Variants in PLS1 observed in about 807,000 individuals in gnomAD.
PLS1 encodes plastin-1.
In PLS1, 32 loss-of-function variants were observed where a neutral mutation model predicts 73.7. The ratio of observed to expected loss-of-function variants is 0.43; its 90% CI spans 0.33 to 0.58. The LOEUF (loss-of-function observed/expected upper bound fraction) is 0.58. Among genes scored for constraint, PLS1 ranks in the 20% least tolerant of loss-of-function variants. The pLI is 0.04. For synonymous variants in PLS1, 217 were observed against 261.3 expected, an observed-to-expected ratio of 0.83 and a Z score of 1.63; for missense variants, 633 against 740.5, an observed-to-expected ratio of 0.85 and a Z score of 1.68.
Position 142,669,475 on chromosome 3 carries a change from G to A in PLS1, c.156G>A (p.Val52=), listed in dbSNP as rs368897353. 3 of 1,613,590 alleles carry A rather than the reference G, an allele frequency of 1.9e-6. No homozygotes were observed. Among genetic ancestry groups the A allele is most frequent in the African/African-American group, 1.3e-5 (1 of 75,032 alleles). ...GCCTTCCTCTGCCTGGCTACAAGGTGCGCGAGATTGTGGAGAAAATTCTAT... is the reference window on the plus strand; with the variant it reads ...GCCTTCCTCTGCCTGGCTACAAGGTACGCGAGATTGTGGAGAAAATTCTAT... The part of the protein sequence containing the change: ...EASLPLPGYK[V]REIVEKILSV... Residue 52 remains valine (V), a synonymous_variant, in exon 3 of 16, where the codon GTG becomes GTA. Coordinates refer to ENST00000457734, the MANE Select transcript of PLS1 (RefSeq NM_001145319.2).
intron 1 of PLS1, among the ~76,000 whole-genome samples, chr3:142,630,938 AACACACACACACAC>A (rs140962182): frequency 8.7e-5 from 12 of 137,362 alleles, no homozygotes; most frequent in African/African-American, 2.4e-4. Flanking sequence ...CATGTAAATA[AACACACACACACAC>A]ACACACACAC....
At position 142,625,193 on chromosome 3, in the gene PLS1, T is replaced by G. The variant is rs2036396262; in HGVS notation, c.-37+28684T>G. Among the ~76,000 whole-genome samples the G allele has an allele frequency of 2.6e-5, 4 of 152,190 alleles. No individual in the cohort carries two copies. The South Asian group carries it at 8.3e-4, about 31-fold the overall frequency. ...CAGTACTTTGGGGTTAGGGATAAAC[T>G]GCAGAAACAAACCTCTTAAACTCCC... On this transcript the variant is annotated intron_variant, in intron 1 of 15. Transcript: ENST00000457734.
intron 1 of PLS1, among the ~76,000 whole-genome samples, chr3:142,599,261 G>T (rs1334580966): frequency 6.6e-6 from 1 of 151,156 alleles, no homozygotes; most frequent in South Asian, 2.1e-4. Context: ...GGATCTTAGA[G>T]CTATATGGTA....
At chr3:142,674,701 G>A (rs942983653) in intron 4 of PLS1, among the ~76,000 whole-genome samples, 1 of 151,994 alleles carries the variant, frequency 6.6e-6, no homozygotes, top group African/African-American at 2.4e-5. Context: ...AGATAGTGCT[G>A]GTATCTAGAT....
intron 1 of PLS1, among the ~76,000 whole-genome samples, chr3:142,638,429 C>A (rs1372959929): frequency 2.0e-5 from 3 of 152,268 alleles, no homozygotes; most frequent in African/African-American, 7.2e-5. Context: ...ACTGTGGCCC[C>A]CTTAATTGGT....
At position 142,658,299 on chromosome 3, in the gene PLS1, C is replaced by T. The variant is rs146983432; in HGVS notation, c.-36-5903C>T. Among the ~76,000 whole-genome samples the T allele has an allele frequency of 4.3e-4, 65 of 152,030 alleles. No individual in the cohort carries two copies. The East Asian group carries it at 0.011, about 27-fold the overall frequency. Reference sequence around the variant, plus strand: ...ACCAGCCTGGCCAACATGGTGAAACCCTGTCTCTGCTAAAAATACAAAAAA... The same window carrying T: ...ACCAGCCTGGCCAACATGGTGAAACTCTGTCTCTGCTAAAAATACAAAAAA... On this transcript the variant is annotated intron_variant, in intron 1 of 15. Coordinates refer to ENST00000457734, the MANE Select transcript of PLS1 (RefSeq NM_001145319.2).
At position 142,681,578 on chromosome 3, in the gene PLS1, G is replaced by T. The variant is rs151210517; in HGVS notation, c.580-2428G>T. Among the ~76,000 whole-genome samples the T allele has an allele frequency of 3.1e-3, 473 of 152,270 alleles. 2 individuals are homozygous for T. Among genetic ancestry groups the T allele is most frequent in the African/African-American group, 9.8e-3 (407 of 41,536 alleles). On this transcript the variant is annotated intron_variant, in intron 6 of 15. Coordinates refer to ENST00000457734, the MANE Select transcript of PLS1 (RefSeq NM_001145319.2). ...AACCATGTACCACTGCCCTAAGAAG[G>T]CAGGGCCACCTCTCTTGTGTCTCTT...
chr3:142,634,232 A>G lies in PLS1; in HGVS notation c.-36-29970A>G, dbSNP rs78184291. 2.3e-4 allele frequency among the ~76,000 whole-genome samples: 35 copies of G among 152,310 alleles called. No individual in the cohort carries two copies. The East Asian group carries it at 6.7e-3, about 29-fold the overall frequency. On this transcript the variant is annotated intron_variant, in intron 1 of 15. Transcript: ENST00000457734. ...GTGTACTTATGTTCCCTGAAGGAGGAGGGAGGAACAGAAGAAATATTTGAA... is the reference window on the plus strand; with the variant it reads ...GTGTACTTATGTTCCCTGAAGGAGGGGGGAGGAACAGAAGAAATATTTGAA...
At chr3:142,693,841 A>G (rs1477143550) in intron 10 of PLS1, among the ~76,000 whole-genome samples, 1 of 152,002 alleles carries the variant, frequency 6.6e-6, no homozygotes, top group African/African-American at 2.4e-5. Context: ...TCTCTTATCA[A>G]CCTGTATTGG....
At chr3:142,708,259 T>G (rs1932943052) in intron 14 of PLS1, among the ~76,000 whole-genome samples, 1 of 152,168 alleles carries the variant, frequency 6.6e-6, no homozygotes, top group South Asian at 2.1e-4. Context: ...ATTTATTTAT[T>G]TTTTTGAGAC....
In PLS1 at chr3:142,712,248, T is replaced by C. The variant is rs1329245125; in HGVS notation, c.*241T>C. 1.5e-5 allele frequency: 5 copies of C among 323,414 alleles called. No individual in the cohort carries two copies. The highest frequency in any genetic ancestry group is 1.1e-4 in the African/African-American group (5 of 47,170). 20.0% of individuals were successfully genotyped at this position (323,414 alleles called of 1,614,324 possible). On this transcript the variant is annotated 3_prime_UTR_variant, in exon 16 of 16. Transcript: ENST00000457734. ...TATTCATAATCAAGCTGATACTTCA[T>C]GATTAAATTATTTTTGTTGCTTAAA... is the stretch of plus-strand genomic sequence containing the variant.
chr3:142,611,652 A>G (rs1480992306), intron 1 of PLS1, among the ~76,000 whole-genome samples: 1 of 152,126 alleles, frequency 6.6e-6, no homozygotes, highest in Non-Finnish European at 1.5e-5. Flanking sequence ...GTACGTATAT[A>G]GTATTATATA....
intron 1 of PLS1, among the ~76,000 whole-genome samples, chr3:142,631,113 A>G (rs2036550184): frequency 6.6e-6 from 1 of 151,910 alleles, no homozygotes; most frequent in Non-Finnish European, 1.5e-5. Context: ...ATGGTGGCTC[A>G]TGTCTGTAAT....
intron 14 of PLS1, among the ~76,000 whole-genome samples, chr3:142,708,089 C>T (rs748146194): frequency 6.6e-6 from 1 of 152,052 alleles, no homozygotes; most frequent in Non-Finnish European, 1.5e-5. Flanking sequence ...CTTAACAGTA[C>T]CTAGCACATA....
intron 1 of PLS1, among the ~76,000 whole-genome samples, chr3:142,636,303 A>G (rs1323509540): frequency 6.6e-6 from 1 of 152,246 alleles, no homozygotes; most frequent in Non-Finnish European, 1.5e-5. Context: ...ACATATGGAC[A>G]ACTGAATTTC....
intron 1 of PLS1, among the ~76,000 whole-genome samples, chr3:142,609,658 A>C (rs1225665317): frequency 6.6e-6 from 1 of 152,226 alleles, no homozygotes; most frequent in Non-Finnish European, 1.5e-5. Flanking sequence ...AGAAAAGTGG[A>C]CTGAATATTT....
chr3:142,689,207 G>A (rs1180466872), intron 9 of PLS1, among the ~76,000 whole-genome samples: 2 of 152,054 alleles, frequency 1.3e-5, no homozygotes, highest in Non-Finnish European at 2.9e-5. Flanking sequence ...GCCGAGGTGG[G>A]CGGATCAGGA....
At chr3:142,645,272 A>G (rs1577829756) in intron 1 of PLS1, 1 of 152,184 alleles carries the variant, frequency 6.6e-6, no homozygotes, top group East Asian at 1.9e-4. Context: ...GTATAAGACA[A>G]TTCCTTCTTT....
chr3:142,638,505 G>A (rs1473505335), intron 1 of PLS1, among the ~76,000 whole-genome samples: 1 of 152,140 alleles, frequency 6.6e-6, no homozygotes, highest in Admixed American at 6.5e-5. Flanking sequence ...GCTTTTGAGT[G>A]CTCTAAAAAG....
Sources: allele counts gnomAD v4.1 joint callset (sites outside exome capture counted in the v4.1 genomes callset), GRCh38; gene constraint gnomAD v4.1.1; transcripts MANE v1.5; gene names NCBI Gene and HGNC (gene_info 2026-07-23, HGNC 2026-07-21).